The following MTHFD1L variants were observed in gnomAD, a reference collection of about 807,000 sequenced individuals.
MTHFD1L encodes methylenetetrahydrofolate dehydrogenase (NADP+ dependent) 1 like, also known as monofunctional C1-tetrahydrofolate synthase, mitochondrial.
A neutral mutation model predicts 119.5 loss-of-function variants in MTHFD1L; 81 were observed. That is an observed-to-expected ratio of 0.68 (90% confidence interval 0.57 to 0.82). The LOEUF is 0.82. Ranked by LOEUF, MTHFD1L falls within the 40% of genes least tolerant of loss-of-function variation. The probability of loss-of-function intolerance (pLI) is 0.00; values close to 1 mark genes in which losing one functional copy is unlikely to be tolerated. For missense variants in MTHFD1L, 1,125 were observed against 1,253.4 expected, an observed-to-expected ratio of 0.90 and a Z score of 1.55; for synonymous variants, 430 against 475.2, an observed-to-expected ratio of 0.90 and a Z score of 1.24.
intron 26 of MTHFD1L, among the ~76,000 whole-genome samples, chr6:151,046,370 T>C (rs1188649341): frequency 6.6e-6 from 1 of 150,390 alleles, no homozygotes; most frequent in Non-Finnish European, 1.5e-5. Context: ...ACCCCTAAAA[T>C]CAGCATATTG....
At chr6:151,071,185 A>G (rs77290569) in intron 26 of MTHFD1L, among the ~76,000 whole-genome samples, 3,308 of 151,994 alleles carry the variant, frequency 0.022, 107 homozygotes, top group South Asian at 0.12. Flanking sequence ...AGAAAATTAC[A>G]TCGCAATTGA....
At chr6:150,964,487 A>G (rs2129006273) in intron 18 of MTHFD1L, among the ~76,000 whole-genome samples, 1 of 152,330 alleles carries the variant, frequency 6.6e-6, no homozygotes, top group South Asian at 2.1e-4. Flanking sequence ...TCTCTGTGGA[A>G]TGAATGATGT....
intron 10 of MTHFD1L, among the ~76,000 whole-genome samples, chr6:150,924,330 A>G (rs1180347800): frequency 6.6e-6 from 1 of 151,260 alleles, no homozygotes; most frequent in Non-Finnish European, 1.5e-5. Context: ...AAGCGAGGAC[A>G]TCTGGCTAAT....
intron 22 of MTHFD1L, 143 bp downstream of exon 22, chr6:151,013,963 A>C: frequency 1.4e-6 from 1 of 711,954 alleles, no homozygotes; most frequent in Non-Finnish European, 2.3e-6. Flanking sequence ...CTGTAATTTC[A>C]GCACTTTGGG....
rs970107693 is a variant in MTHFD1L at position 150,974,737 on chromosome 6, T to A, written c.2125+2679T>A. 3.3e-5 allele frequency among the ~76,000 whole-genome samples: 5 copies of A among 151,680 alleles called. No individual in the cohort carries two copies. The South Asian group carries it at 6.3e-4, about 19-fold the overall frequency. On this transcript the variant is annotated intron_variant, in intron 20 of 27. Transcript: ENST00000367321. ...AGAATTCTCTTCCTTTTTTTTTTTT[T>A]TTTTTTTATTTTTTGTGAGATGGAG...
chr6:150,985,853 G>A (rs73616903), intron 20 of MTHFD1L, among the ~76,000 whole-genome samples: 9,948 of 152,098 alleles, frequency 0.065, 602 homozygotes, highest in Admixed American at 0.16. Flanking sequence ...GCCTTGCACT[G>A]TGGAATGCAA....
rs34558961 is a variant in MTHFD1L at position 151,038,801 on chromosome 6, C to T, written c.2847+1684C>T. On this transcript the variant is annotated intron_variant, in intron 26 of 27. Coordinates refer to ENST00000367321, the MANE Select transcript of MTHFD1L (RefSeq NM_015440.5). ...ACATACTCTAAAAGTATCCTCCTAC[C>T]GTGGGGGCCGGGGGAAGGGACCGTT... Among the ~76,000 whole-genome samples, 4 of 151,950 alleles carry T rather than the reference C, an allele frequency of 2.6e-5. No individual in the cohort carries two copies. In the East Asian group the frequency reaches 5.8e-4, roughly 22 times the overall value.
At chr6:150,898,897 G>A (rs542731116) in intron 7 of MTHFD1L, 124 of 679,520 alleles carry the variant, frequency 1.8e-4, no homozygotes, top group Middle Eastern at 5.9e-4. Context: ...GAGTGCAGGC[G>A]CGTGATCTAG....
intron 7 of MTHFD1L, among the ~76,000 whole-genome samples, chr6:150,899,625 A>G (rs1784798056): frequency 2.0e-5 from 3 of 152,332 alleles, no homozygotes; most frequent in South Asian, 4.1e-4. Flanking sequence ...CAATACTCTT[A>G]TGATCAATGT....
chr6:151,100,033 T>C lies in MTHFD1L; in HGVS notation c.*32-1493T>C. ...AAAGAAAGAAATATTTTCTTTCTTT[T>C]CTTTTTTTTTTTTTTTTTGAGACGC... On this transcript the variant is annotated intron_variant, in intron 27 of 27. Transcript: ENST00000367321. 6.2e-6 allele frequency: 4 copies of C among 650,242 alleles called. No individual in the cohort carries two copies. The South Asian group carries it at 7.9e-5, about 13-fold the overall frequency. 40.3% of individuals were successfully genotyped at this position (650,242 alleles called of 1,614,324 possible). A position where few individuals can be genotyped will look rare whatever the true frequency, so the allele number is the denominator to read the frequency against.
In MTHFD1L at chr6:151,028,436, G is replaced by A. The variant is rs552068217; in HGVS notation, c.2587-6057G>A. ...GGTGGGAACCCCCTTGTCTGTCAGC[G>A]GGGATCAGCTAAATATGGCACACAC... On this transcript the variant is annotated intron_variant, in intron 24 of 27. Transcript: ENST00000367321. Among the ~76,000 whole-genome samples the A allele has an allele frequency of 9.5e-4, 144 of 152,250 alleles. 1 individual carries two copies. The highest frequency in any genetic ancestry group is 2.9e-3 in the African/African-American group (119 of 41,548).
At chr6:150,866,342 G>C (rs1394996118) in intron 1 of MTHFD1L, 1 of 1,441,260 alleles carries the variant, frequency 6.9e-7, no homozygotes, top group Admixed American at 2.8e-5. Flanking sequence ...CACGTGCGCA[G>C]CCGGCCGCCG....
At chr6:150,998,968 A>T (rs988013252) in intron 20 of MTHFD1L, among the ~76,000 whole-genome samples, 19 of 142,942 alleles carry the variant, frequency 1.3e-4, no homozygotes, top group African/African-American at 4.5e-4. Context: ...CAGCCTGGGC[A>T]AACAGAGGGA....
intron 20 of MTHFD1L, among the ~76,000 whole-genome samples, chr6:150,991,124 T>C (rs1779006416): frequency 6.6e-6 from 1 of 152,212 alleles, no homozygotes; most frequent in Admixed American, 6.5e-5. Context: ...CCCAAAGTGC[T>C]GGGATTACAG....
At chr6:150,937,188 C>T (rs533640332) in intron 12 of MTHFD1L, among the ~76,000 whole-genome samples, 2 of 152,122 alleles carry the variant, frequency 1.3e-5, no homozygotes, top group Non-Finnish European at 2.9e-5. Flanking sequence ...GCTCAAGGCT[C>T]CCGCCTCGAG....
chr6:150,986,890 CTG>C (rs368100173), intron 20 of MTHFD1L, among the ~76,000 whole-genome samples: 13 of 152,046 alleles, frequency 8.6e-5, no homozygotes, highest in African/African-American at 3.1e-4. Flanking sequence ...TTAGTAGAGA[CTG>C]AGTTTCACCA....
chr6:151,009,618 G>T (rs1380909016), intron 20 of MTHFD1L, among the ~76,000 whole-genome samples: 16 of 152,198 alleles, frequency 1.1e-4, no homozygotes, highest in African/African-American at 3.1e-4. Context: ...AGGCCTGGCG[G>T]TGGGAAGCAG....
At chr6:150,898,827 G>GATTATTATT (rs149723194) in intron 7 of MTHFD1L, 179 of 354,164 alleles carry the variant, frequency 5.1e-4, no homozygotes, top group Admixed American at 9.5e-4. Context: ...GTATAGGGAA[G>GATTATTATT]ATTATTATTA....
At chr6:150,929,404 C>G (rs537573182) in intron 11 of MTHFD1L, among the ~76,000 whole-genome samples, 3 of 152,270 alleles carry the variant, frequency 2.0e-5, no homozygotes, top group African/African-American at 7.2e-5. Context: ...AAGGAAGAAT[C>G]CTGCAGCAGA....
Sources: allele counts gnomAD v4.1 joint callset (sites outside exome capture counted in the v4.1 genomes callset), GRCh38; gene constraint gnomAD v4.1.1; transcripts MANE v1.5; gene names NCBI Gene and HGNC (gene_info 2026-07-23, HGNC 2026-07-21).